Variants in ZNF892 observed in about 807,000 individuals in gnomAD.
ZNF892 encodes zinc finger protein 570-like.
chr2:95,262,268 G>A, the ZNF892 span, among the ~76,000 whole-genome samples: 7 of 152,180 alleles, frequency 4.6e-5, no homozygotes, highest in Non-Finnish European at 1.5e-5. Flanking sequence ...GGTACACTCA[G>A]AACAAAATGC....
chr2:95,223,217 A>G, the ZNF892 span, among the ~76,000 whole-genome samples: 2 of 151,990 alleles, frequency 1.3e-5, no homozygotes, highest in East Asian at 1.9e-4. Flanking sequence ...ATATGTTTCC[A>G]CTGTCATATA....
the ZNF892 span, among the ~76,000 whole-genome samples, chr2:95,254,626 C>A: frequency 6.6e-6 from 1 of 152,120 alleles, no homozygotes; most frequent in Non-Finnish European, 1.5e-5. Flanking sequence ...CCCTCTTTTT[C>A]TATTGATTGG....
At chr2:95,263,379 C>T in the ZNF892 span, among the ~76,000 whole-genome samples, 703 of 152,302 alleles carry the variant, frequency 4.6e-3, 3 homozygotes, top group South Asian at 0.011. Flanking sequence ...GCCGAGCTAC[C>T]CAACTTCCTA....
At chr2:95,256,946 G>A in the ZNF892 span, among the ~76,000 whole-genome samples, 1 of 152,142 alleles carries the variant, frequency 6.6e-6, no homozygotes, top group African/African-American at 2.4e-5. Flanking sequence ...GGACTTCTCT[G>A]CATTGGTTAT....
the ZNF892 span, among the ~76,000 whole-genome samples, chr2:95,221,579 C>T: frequency 6.6e-6 from 1 of 152,044 alleles, no homozygotes; most frequent in African/African-American, 2.4e-5. Context: ...TTTACTGTTT[C>T]TTCTAGAAAG....
At chr2:95,254,506 C>T in the ZNF892 span, among the ~76,000 whole-genome samples, 594 of 152,246 alleles carry the variant, frequency 3.9e-3, 8 homozygotes, top group African/African-American at 1.2e-3. Context: ...AGGATTTTTG[C>T]GTCGATGTTC....
chr2:95,262,742 T>C, the ZNF892 span, among the ~76,000 whole-genome samples: 1 of 152,210 alleles, frequency 6.6e-6, no homozygotes, highest in Admixed American at 6.5e-5. Context: ...TCATTTTATG[T>C]GAGAGGAAAT....
the ZNF892 span, among the ~76,000 whole-genome samples, chr2:95,254,904 A>G: frequency 2.0e-5 from 3 of 152,120 alleles, no homozygotes; most frequent in Non-Finnish European, 4.4e-5. Flanking sequence ...GGTGGTTTGT[A>G]TTTCTGTGGG....
the ZNF892 span, among the ~76,000 whole-genome samples, chr2:95,222,033 T>C: frequency 1.3e-5 from 2 of 152,056 alleles, no homozygotes; most frequent in Non-Finnish European, 2.9e-5. Flanking sequence ...TAAAATGACC[T>C]ATGTAGACTT....
chr2:95,250,539 ATAAATT>A, the ZNF892 span, among the ~76,000 whole-genome samples: 1 of 147,622 alleles, frequency 6.8e-6, no homozygotes, highest in African/African-American at 2.5e-5. Flanking sequence ...TTATAAATTT[ATAAATT>A]TAAAATAGTC....
the ZNF892 span, among the ~76,000 whole-genome samples, chr2:95,232,713 A>G: frequency 2.3e-5 from 2 of 86,026 alleles, no homozygotes; most frequent in Non-Finnish European, 4.7e-5. Flanking sequence ...AACAACAGCA[A>G]CAGGAAAAGG....
At chr2:95,244,929 C>A in the ZNF892 span, among the ~76,000 whole-genome samples, 4 of 152,188 alleles carry the variant, frequency 2.6e-5, no homozygotes, top group African/African-American at 9.7e-5. Context: ...CAACCTGCTC[C>A]TGAATGACTC....
chr2:95,256,951 G>A, the ZNF892 span, among the ~76,000 whole-genome samples: 189 of 152,234 alleles, frequency 1.2e-3, 1 homozygote, highest in African/African-American at 4.4e-3. Flanking sequence ...TCTCTGCATT[G>A]GTTATTCTAG....
chr2:95,231,999 A>G, the ZNF892 span: 2 of 152,168 alleles, frequency 1.3e-5, no homozygotes, highest in African/African-American at 4.8e-5. Flanking sequence ...TCCAAAAATT[A>G]TATCTGGGGC....
the ZNF892 span, among the ~76,000 whole-genome samples, chr2:95,256,935 A>G: frequency 6.6e-6 from 1 of 152,126 alleles, no homozygotes; most frequent in African/African-American, 2.4e-5. Flanking sequence ...AGGTCCTTTA[A>G]GGACTTCTCT....
At chr2:95,218,453 CT>C in the ZNF892 span, among the ~76,000 whole-genome samples, 18 of 149,892 alleles carry the variant, frequency 1.2e-4, no homozygotes, top group Admixed American at 2.7e-4. Context: ...CAAGAACCAC[CT>C]TTTTTTTTTC....
the ZNF892 span, among the ~76,000 whole-genome samples, chr2:95,256,414 G>T: frequency 6.6e-6 from 1 of 152,180 alleles, no homozygotes; most frequent in African/African-American, 2.4e-5. Flanking sequence ...CTCTTTTCTG[G>T]CTTGTAGAGT....
the ZNF892 span, among the ~76,000 whole-genome samples, chr2:95,227,168 TCTC>T: frequency 7.2e-6 from 1 of 138,360 alleles, no homozygotes; most frequent in Non-Finnish European, 1.5e-5. Context: ...CTTCTTTCCT[TCTC>T]CTTGTTTTTT....
chr2:95,214,873 A>G, the ZNF892 span: 4 of 504,466 alleles, frequency 7.9e-6, no homozygotes, highest in African/African-American at 2.0e-5. Flanking sequence ...TATGAATGTC[A>G]TGAGTGTGGG....
Sources: allele counts gnomAD v4.1 joint callset (sites outside exome capture counted in the v4.1 genomes callset), GRCh38; gene constraint gnomAD v4.1.1; transcripts MANE v1.5; gene names NCBI Gene and HGNC (gene_info 2026-07-23, HGNC 2026-07-21).